Variants in CDH8 observed in about 807,000 individuals in gnomAD.
The protein encoded by CDH8 is cadherin-8.
Under a neutral mutation model 68.1 loss-of-function variants are expected in CDH8, and 17 were observed. The ratio of observed to expected loss-of-function variants is 0.25; its 90% CI spans 0.17 to 0.37. CDH8 has a LOEUF of 0.37. Among genes scored for constraint, CDH8 ranks in the 10% least tolerant of loss-of-function variants. The pLI, the probability that CDH8 is intolerant of heterozygous loss-of-function variation, is 1.00. For missense variants in CDH8, 763 were observed against 999.3 expected, an observed-to-expected ratio of 0.76 and a Z score of 3.19; for synonymous variants, 372 against 365.1, an observed-to-expected ratio of 1.02 and a Z score of -0.21.
rs1025842484 is a variant in CDH8 at position 62,036,384 on chromosome 16, A to G, written c.-504T>C. ...AGGGAGATTCCAAATAAATCCACTA[A>G]TTCTGGGCTGAGCGCTCCGGCGTGC... On this transcript the variant is annotated 5_prime_UTR_variant, in exon 1 of 12. Coordinates refer to ENST00000577390, the MANE Select transcript of CDH8 (RefSeq NM_001796.5). 6.6e-6 allele frequency: 1 copy of G among 152,640 alleles called. No homozygotes were observed. The highest frequency in any genetic ancestry group is 1.5e-5 in the Non-Finnish European group (1 of 68,418). The allele number at this position is 152,640 out of a possible 1,614,324, so 9.5% of individuals were successfully genotyped here.
intron 9 of CDH8, among the ~76,000 whole-genome samples, chr16:61,722,988 T>C (rs1433380131): frequency 6.6e-6 from 1 of 150,656 alleles, no homozygotes; most frequent in Non-Finnish European, 1.5e-5. Context: ...GTTACAGAAA[T>C]TCTTTCCTGA....
intron 10 of CDH8, among the ~76,000 whole-genome samples, chr16:61,701,758 A>C (rs896127699): frequency 2.0e-5 from 3 of 152,230 alleles, no homozygotes; most frequent in Non-Finnish European, 2.9e-5. Flanking sequence ...GGGCCACTCC[A>C]GGCCTTCTGA....
At chr16:61,664,262 T>C (rs1188430494) in intron 10 of CDH8, among the ~76,000 whole-genome samples, 1 of 151,978 alleles carries the variant, frequency 6.6e-6, no homozygotes, top group Non-Finnish European at 1.5e-5. Context: ...ATGAGTTACA[T>C]GATGTTACAA....
At position 61,743,314 on chromosome 16, in the gene CDH8, C is replaced by T. The variant is rs1473957904; in HGVS notation, c.1415-16099G>A. On this transcript the variant is annotated intron_variant, in intron 8 of 11. Coordinates refer to ENST00000577390, the MANE Select transcript of CDH8 (RefSeq NM_001796.5). ...TATCCTTGACCAAAGACCGGTCCTC[C>T]TCGGGGATGGTCATTTTCTTCCACG... is the stretch of plus-strand genomic sequence containing the variant. 2.0e-5 allele frequency: 3 copies of T among 152,314 alleles called. No homozygotes were observed. The East Asian group carries it at 5.8e-4, about 29-fold the overall frequency. The allele number at this position is 152,314 out of a possible 1,614,324, so 9.4% of individuals were successfully genotyped here. A position where few individuals can be genotyped will look rare whatever the true frequency, so the allele number is the denominator to read the frequency against.
At position 61,915,624 on chromosome 16, in the gene CDH8, T is replaced by C. The variant is rs1185683969; in HGVS notation, c.253-14151A>G. ...AAACTAGGTGTTTAGTGTTTTGTTT[T>C]TAAAGATACATTTTATATATTCCCT... On this transcript the variant is annotated intron_variant, in intron 2 of 11. Coordinates refer to ENST00000577390, the MANE Select transcript of CDH8 (RefSeq NM_001796.5). 3.3e-5 allele frequency among the ~76,000 whole-genome samples: 5 copies of C among 152,204 alleles called. No individual in the cohort carries two copies. The South Asian group carries it at 6.2e-4, about 19-fold the overall frequency.
At chr16:62,023,083 A>G (rs944484098) in intron 1 of CDH8, among the ~76,000 whole-genome samples, 1 of 152,154 alleles carries the variant, frequency 6.6e-6, no homozygotes, top group African/African-American at 2.4e-5. Context: ...TCGCCTTAAA[A>G]CAGATTCCCC....
chr16:61,845,502 T>TAA (rs749345691), intron 4 of CDH8, among the ~76,000 whole-genome samples: 6,678 of 117,586 alleles, frequency 0.057, 548 homozygotes, highest in African/African-American at 0.18. Flanking sequence ...TCCAGATATG[T>TAA]AAAAAAAAAA....
In CDH8 at chr16:61,977,535, T is replaced by C. The variant is rs923471210; in HGVS notation, c.252+43617A>G. On this transcript the variant is annotated intron_variant, in intron 2 of 11. Transcript: ENST00000577390. ...AGTGTGAGTCTGAGGTTAAGGGCAA[T>C]TGAAATCAGTTCAAATGTGATACCT... Among the ~76,000 whole-genome samples, 13 of 152,210 alleles carry C rather than the reference T, an allele frequency of 8.5e-5. No individual in the cohort carries two copies. The East Asian group carries it at 1.9e-3, about 23-fold the overall frequency.
intron 10 of CDH8, among the ~76,000 whole-genome samples, chr16:61,703,038 T>C (rs536087603): frequency 6.6e-6 from 1 of 152,200 alleles, no homozygotes; most frequent in Non-Finnish European, 1.5e-5. Context: ...TACTGAGTAA[T>C]AGAGAATAAA....
At chr16:61,748,172 A>T (rs1596928049) in intron 8 of CDH8, among the ~76,000 whole-genome samples, 1 of 152,080 alleles carries the variant, frequency 6.6e-6, no homozygotes, top group East Asian at 1.9e-4. Flanking sequence ...CCTACTTGCA[A>T]ACCACTACCC....
intron 3 of CDH8, among the ~76,000 whole-genome samples, chr16:61,876,082 G>A (rs1963453765): frequency 1.3e-5 from 2 of 151,950 alleles, no homozygotes. Flanking sequence ...TCACCATGTT[G>A]GCCAGGATGG....
intron 8 of CDH8, among the ~76,000 whole-genome samples, chr16:61,748,596 A>T (rs1027753973): frequency 1.3e-5 from 2 of 152,032 alleles, no homozygotes; most frequent in Non-Finnish European, 2.9e-5. Flanking sequence ...AAAAAAGGGA[A>T]ATGTTGGAAG....
intron 3 of CDH8, among the ~76,000 whole-genome samples, chr16:61,876,640 A>G (rs138312657): frequency 6.6e-6 from 1 of 152,218 alleles, no homozygotes; most frequent in East Asian, 1.9e-4. Context: ...GAGGCAAAAG[A>G]AGAAACAAGC....
intron 10 of CDH8, among the ~76,000 whole-genome samples, chr16:61,662,051 T>C (rs892696771): frequency 1.4e-5 from 2 of 146,418 alleles, no homozygotes; most frequent in African/African-American, 5.0e-5. Context: ...TCTGTTTACA[T>C]GCACTCTTTT....
chr16:61,926,773 C>T (rs902896753), intron 2 of CDH8, among the ~76,000 whole-genome samples: 3 of 152,092 alleles, frequency 2.0e-5, no homozygotes, highest in Admixed American at 6.6e-5. Context: ...TGTAGACTCA[C>T]GCTGGAGACT....
chr16:61,988,984 G>T (rs563568578), intron 2 of CDH8, among the ~76,000 whole-genome samples: 1 of 152,080 alleles, frequency 6.6e-6, no homozygotes, highest in Non-Finnish European at 1.5e-5. Flanking sequence ...GAGGGTCAGG[G>T]TACAGGCAAG....
chr16:61,760,637 C>T (rs555622047), intron 8 of CDH8, among the ~76,000 whole-genome samples: 1 of 152,030 alleles, frequency 6.6e-6, no homozygotes, highest in Non-Finnish European at 1.5e-5. Flanking sequence ...AACAGCCTCT[C>T]TTCTAAACTT....
At chr16:61,829,886 C>T (rs1437486141) in intron 4 of CDH8, among the ~76,000 whole-genome samples, 8 of 151,826 alleles carry the variant, frequency 5.3e-5, no homozygotes, top group African/African-American at 1.9e-4. Flanking sequence ...GCTTTTTATG[C>T]TATTTTGTAG....
chr16:61,800,673 C>G (rs937698994), intron 7 of CDH8, among the ~76,000 whole-genome samples: 1 of 152,164 alleles, frequency 6.6e-6, no homozygotes, highest in Non-Finnish European at 1.5e-5. Context: ...CGTCCCATTC[C>G]CCAGCAAGCA....
Sources: gnomAD v4.1 joint callset for allele counts (sites outside exome capture counted in the v4.1 genomes callset) on GRCh38, gnomAD v4.1.1 for gene constraint, MANE v1.5 for transcripts, NCBI Gene and HGNC (gene_info 2026-07-23, HGNC 2026-07-21) for gene names.